The following SH3RF1 variants were observed in gnomAD, a reference collection of about 807,000 sequenced individuals.
SH3RF1 encodes the protein E3 ubiquitin-protein ligase SH3RF1.
In SH3RF1, 32 loss-of-function variants were observed where a neutral mutation model predicts 74.0. The observed-to-expected ratio is 0.43, with a 90% CI of 0.33 to 0.58. The LOEUF (loss-of-function observed/expected upper bound fraction) is 0.58, where lower values mean the gene tolerates loss of function less well. SH3RF1 is among the 20% of genes least tolerant of loss of function. The pLI is 0.05. For synonymous variants in SH3RF1, 396 were observed against 439.6 expected (o/e 0.90, Z 1.24); for missense variants, 954 against 1,130.9 (o/e 0.84, Z 2.24).
At chr4:169,257,384 G>T (rs1447427265) in intron 2 of SH3RF1, among the ~76,000 whole-genome samples, 1 of 152,084 alleles carries the variant, frequency 6.6e-6, no homozygotes, top group Admixed American at 6.5e-5. Flanking sequence ...GGCCCTGTTC[G>T]CCTCAGACAG....
intron 2 of SH3RF1, among the ~76,000 whole-genome samples, chr4:169,257,522 C>G (rs538927388): frequency 1.5e-3 from 235 of 152,344 alleles, no homozygotes; most frequent in African/African-American, 5.2e-3. Flanking sequence ...CTTCCCCCAT[C>G]CAGGCTTGCC....
At chr4:169,268,677 T>C (rs548486632) in intron 2 of SH3RF1, 143 bp downstream of exon 2, 1 of 807,158 alleles carries the variant, frequency 1.2e-6, no homozygotes, top group African/African-American at 1.7e-5. Context: ...GGGAAAAAAA[T>C]ATTCAGAGGT....
At chr4:169,197,176 AT>A (rs1335866295) in intron 2 of SH3RF1, among the ~76,000 whole-genome samples, 1 of 151,642 alleles carries the variant, frequency 6.6e-6, no homozygotes, top group Non-Finnish European at 1.5e-5. Flanking sequence ...TAATTTTTGT[AT>A]TTTTAGTAAA....
rs777358792 is a variant in SH3RF1, at chr4:169,117,641, A to G, written c.1659T>C (p.Ser553=). The G allele has an allele frequency of 2.2e-5, 35 of 1,614,056 alleles. 1 individual carries two copies. The highest frequency in any genetic ancestry group is 2.8e-5 in the Non-Finnish European group (33 of 1,180,032). The change falls in exon 9 of 12, where the codon AGT becomes AGC. Residue 553 remains serine, a synonymous_variant. Coordinates refer to ENST00000284637, the MANE Select transcript of SH3RF1 (RefSeq NM_020870.4). ...LQGNGVAGSP[S]VVPAAVVSAA... ...CTGATACCACAGCTGCGGGGACAAC[A>G]CTGGGACTCCCAGCCACGCCATTTC...
intron 2 of SH3RF1, among the ~76,000 whole-genome samples, chr4:169,225,106 T>A (rs1402414125): frequency 2.0e-5 from 3 of 152,100 alleles, no homozygotes; most frequent in African/African-American, 7.2e-5. Flanking sequence ...ATTCAAAAGG[T>A]ATTACCAAGA....
intron 2 of SH3RF1, among the ~76,000 whole-genome samples, chr4:169,230,753 G>T (rs2127006898): frequency 6.6e-6 from 1 of 151,616 alleles, no homozygotes; most frequent in East Asian, 1.9e-4. Context: ...CAGCTACTCA[G>T]GAAGCTGAAG....
intron 2 of SH3RF1, among the ~76,000 whole-genome samples, chr4:169,233,248 C>CAAAAAA (rs372381759): frequency 7.6e-5 from 5 of 65,562 alleles, no homozygotes; most frequent in South Asian, 7.4e-4. Flanking sequence ...GACTCCATCT[C>CAAAAAA]AAAAAAAAAA....
At chr4:169,246,546 G>T (rs1438915740) in intron 2 of SH3RF1, among the ~76,000 whole-genome samples, 8 of 152,198 alleles carry the variant, frequency 5.3e-5, no homozygotes, top group Admixed American at 5.2e-4. Context: ...AGGCCTGAGG[G>T]TGTGACTGTC....
chr4:169,135,301 G>A (rs1026832419), intron 5 of SH3RF1, among the ~76,000 whole-genome samples: 1 of 152,100 alleles, frequency 6.6e-6, no homozygotes, highest in Non-Finnish European at 1.5e-5. Context: ...TTGAGGACCA[G>A]GACTGGTATT....
chr4:169,145,171 C>T lies in SH3RF1; in HGVS notation c.766-8551G>A, dbSNP rs191096508. ...AGCACTATTCACAATAGCAAAGTCA[C>T]GAAATCAACCTGAGTGTCCATCAAC... On this transcript the variant is annotated intron_variant, in intron 4 of 11. Transcript: ENST00000284637. Among the ~76,000 whole-genome samples the T allele has an allele frequency of 4.6e-5, 7 of 152,182 alleles. No individual in the cohort carries two copies. In the East Asian group the frequency reaches 5.8e-4, roughly 13 times the overall value.
intron 2 of SH3RF1, among the ~76,000 whole-genome samples, chr4:169,246,442 T>C (rs925092896): frequency 1.4e-4 from 21 of 152,180 alleles, no homozygotes; most frequent in Non-Finnish European, 2.6e-4. Context: ...CTGTATTCTG[T>C]CACTTTGTTC....
Position 169,101,563 on chromosome 4 carries a change from C to G in SH3RF1, c.2499-4876G>C, listed in dbSNP as rs191564086. Among the ~76,000 whole-genome samples, 551 of 148,918 alleles carry G rather than the reference C, an allele frequency of 3.7e-3. 5 individuals carry two copies. The highest frequency in any genetic ancestry group is 0.016 in the Admixed American group (242 of 14,756). On this transcript the variant is annotated intron_variant, in intron 11 of 11. Coordinates refer to ENST00000284637, the MANE Select transcript of SH3RF1 (RefSeq NM_020870.4). Reference sequence around the variant, plus strand: ...GGTTGTATGACAACATGAATGTACTCAATGCCACTGAATTGTACACTTGAA... The same window carrying G: ...GGTTGTATGACAACATGAATGTACTGAATGCCACTGAATTGTACACTTGAA...
chr4:169,192,897 TTATATATATATCATATATATGTGATA>T (rs1734751092), intron 2 of SH3RF1, among the ~76,000 whole-genome samples: 1 of 132,824 alleles, frequency 7.5e-6, no homozygotes, highest in South Asian at 2.5e-4. Flanking sequence ...TATGTTTCTT[TTATATATATATCATATATATGTGATA>T]TATATATATA....
intron 4 of SH3RF1, among the ~76,000 whole-genome samples, chr4:169,150,192 T>C (rs1043898554): frequency 5.9e-5 from 9 of 152,246 alleles, no homozygotes; most frequent in African/African-American, 2.2e-4. Context: ...TTTAAATATG[T>C]GTAGTTTATT....
chr4:169,269,313 G>GCCTCGGCTCCTCC lies in SH3RF1; in HGVS notation c.-95-7_-95-6insGGAGGAGCCGAGG. On this transcript the variant is annotated splice_region_variant and splice_polypyrimidine_tract_variant and intron_variant, in intron 1 of 11. Transcript: ENST00000284637. Reference sequence around the variant, plus strand: ...CATCCATTTCAGACTTTGCTCTAGAGTCATGGGGAAAAGGGGGAAAAGAGA... The same window carrying GCCTCGGCTCCTCC: ...CATCCATTTCAGACTTTGCTCTAGAGCCTCGGCTCCTCCTCATGGGGAAAAGGGGGAAAAGAGA... 3.9e-6 allele frequency: 5 copies of GCCTCGGCTCCTCC among 1,285,346 alleles called. No homozygotes were observed. The highest frequency in any genetic ancestry group is 5.2e-6 in the Non-Finnish European group (5 of 954,770). The allele number at this position is 1,285,346 out of a possible 1,614,324, so 79.6% of individuals were successfully genotyped here. A position where few individuals can be genotyped will look rare whatever the true frequency, so the allele number is the denominator to read the frequency against.
intron 2 of SH3RF1, among the ~76,000 whole-genome samples, chr4:169,171,050 G>C (rs1203780147): frequency 6.6e-6 from 1 of 152,158 alleles, no homozygotes. Flanking sequence ...TTGACCTAAA[G>C]GTTTCTCCAC....
At chr4:169,106,105 TTTA>T (rs1202874696) in intron 11 of SH3RF1, among the ~76,000 whole-genome samples, 7 of 150,730 alleles carry the variant, frequency 4.6e-5, no homozygotes, top group East Asian at 1.9e-4. Flanking sequence ...TGTATATATA[TTTA>T]TTATTATTAT....
chr4:169,163,392 G>A (rs1579114296), intron 2 of SH3RF1, among the ~76,000 whole-genome samples: 1 of 152,242 alleles, frequency 6.6e-6, no homozygotes, highest in East Asian at 1.9e-4. Flanking sequence ...TACAAGTACA[G>A]GAGAACCTGA....
intron 2 of SH3RF1, among the ~76,000 whole-genome samples, chr4:169,222,765 T>G (rs1730588592): frequency 6.6e-6 from 1 of 152,180 alleles, no homozygotes; most frequent in Admixed American, 6.5e-5. Flanking sequence ...GAACTTATGT[T>G]AACAACTCTC....
Sources: allele counts gnomAD v4.1 joint callset (sites outside exome capture counted in the v4.1 genomes callset), GRCh38; gene constraint gnomAD v4.1.1; transcripts MANE v1.5; gene names NCBI Gene and HGNC (gene_info 2026-07-23, HGNC 2026-07-21).